The following CPXM2 variants were observed in gnomAD, a reference collection of about 807,000 sequenced individuals.
CPXM2 encodes the protein carboxypeptidase X, M14 family member 2.
Under a neutral mutation model 86.1 loss-of-function variants are expected in CPXM2, and 66 were observed. That is an observed-to-expected ratio of 0.77 (90% CI 0.63 to 0.94). CPXM2 has a LOEUF of 0.94. Ranked by LOEUF, CPXM2 falls within the 40% of genes least tolerant of loss-of-function variation. The probability of loss-of-function intolerance (pLI) is 0.00; values close to 1 mark genes in which losing one functional copy is unlikely to be tolerated. For synonymous variants in CPXM2, 388 were observed against 400.2 expected, an observed-to-expected ratio of 0.97 and a Z score of 0.36; for missense variants, 948 against 1,026.3, an observed-to-expected ratio of 0.92 and a Z score of 1.04.
chr10:123,779,604 A>G (rs564684702), intron 7 of CPXM2, among the ~76,000 whole-genome samples: 1 of 152,318 alleles, frequency 6.6e-6, no homozygotes, highest in South Asian at 2.1e-4. Flanking sequence ...AATTATCAGT[A>G]GCTTCACAAA....
upstream of CPXM2, among the ~76,000 whole-genome samples, chr10:123,893,782 A>T (rs1945311395): frequency 6.6e-6 from 1 of 152,158 alleles, no homozygotes; most frequent in Admixed American, 6.5e-5. Context: ...AAGCGGCTCC[A>T]GCAGCAAGCA....
intron 6 of CPXM2, among the ~76,000 whole-genome samples, chr10:123,786,788 A>T (rs1276824510): frequency 6.6e-6 from 1 of 152,122 alleles, no homozygotes; most frequent in East Asian, 1.9e-4. Flanking sequence ...AAAAAAGACA[A>T]GATCCTTCAC....
intron 12 of CPXM2, among the ~76,000 whole-genome samples, chr10:123,756,538 A>G (rs1163822704): frequency 6.6e-6 from 1 of 152,168 alleles, no homozygotes; most frequent in African/African-American, 2.4e-5. Flanking sequence ...GTGACTCTGA[A>G]GGCCTGGGAG....
chr10:123,933,457 G>A (rs543300795), intron 2 of CPXM2, among the ~76,000 whole-genome samples: 4 of 152,282 alleles, frequency 2.6e-5, no homozygotes, highest in Non-Finnish European at 4.4e-5. Flanking sequence ...AGTTGCTCAC[G>A]CCTATAATCT....
chr10:123,895,121 C>CTTTTTTTTTTTTTTTTTTTTT (rs869104432), upstream of CPXM2, among the ~76,000 whole-genome samples: 48 of 85,880 alleles, frequency 5.6e-4, no homozygotes, highest in Non-Finnish European at 6.5e-4. Flanking sequence ...TCTTTTTTTT[C>CTTTTTTTTTTTTTTTTTTTTT]TTTTTTTTTT....
intron 4 of CPXM2, among the ~76,000 whole-genome samples, chr10:123,812,895 G>A (rs889854853): frequency 1.3e-5 from 2 of 152,102 alleles, no homozygotes; most frequent in African/African-American, 4.8e-5. Context: ...CAAAAAGGTT[G>A]GGGACTGCTG....
intron 1 of CPXM2, among the ~76,000 whole-genome samples, chr10:123,880,761 A>G (rs111365265): frequency 0.017 from 2,369 of 139,628 alleles, 51 homozygotes; most frequent in African/African-American, 0.059. Flanking sequence ...CCTGGGAGGC[A>G]GAGCTTGCAG....
At chr10:123,821,896 C>T (rs1367471513) in intron 4 of CPXM2, among the ~76,000 whole-genome samples, 1 of 152,150 alleles carries the variant, frequency 6.6e-6, no homozygotes, top group African/African-American at 2.4e-5. Flanking sequence ...TTGCTCAAAA[C>T]TGTTGAGGAA....
At chr10:123,809,587 T>C (rs932150297) in intron 4 of CPXM2, among the ~76,000 whole-genome samples, 3 of 152,114 alleles carry the variant, frequency 2.0e-5, no homozygotes, top group Non-Finnish European at 4.4e-5. Context: ...TATATAGATA[T>C]AGATAACATA....
At chr10:123,846,616 G>A (rs936171799) in intron 3 of CPXM2, among the ~76,000 whole-genome samples, 6 of 152,190 alleles carry the variant, frequency 3.9e-5, no homozygotes, top group Admixed American at 2.0e-4. Context: ...CCAAAAAAAT[G>A]AGGCAGAACA....
At chr10:123,912,794 C>T (rs1945501816) in intron 2 of CPXM2, among the ~76,000 whole-genome samples, 1 of 152,242 alleles carries the variant, frequency 6.6e-6, no homozygotes, top group Non-Finnish European at 1.5e-5. Context: ...CAAACAACCT[C>T]AGTCCAGGCA....
chr10:123,830,872 C>CTCTCTCTGTGTGTG (rs1258897184), intron 4 of CPXM2, among the ~76,000 whole-genome samples: 47 of 142,798 alleles, frequency 3.3e-4, no homozygotes, highest in African/African-American at 1.2e-3. Context: ...CTCTCTCTCT[C>CTCTCTCTGTGTGTG]TGTGTGTGTG....
intron 2 of CPXM2, among the ~76,000 whole-genome samples, chr10:123,935,337 G>A (rs1436533453): frequency 1.3e-5 from 2 of 152,112 alleles, no homozygotes; most frequent in African/African-American, 4.8e-5. Flanking sequence ...CGGGGGTCAA[G>A]CAGAGGTGCC....
intron 2 of CPXM2, among the ~76,000 whole-genome samples, 184 bp from the exon 3 acceptor site, chr10:123,862,907 A>G (rs1848886601): frequency 6.6e-6 from 1 of 152,080 alleles, no homozygotes. Context: ...TCTTGTTGGC[A>G]TTTGCTTTAG....
At chr10:123,933,331 C>A (rs1405274859) in intron 2 of CPXM2, among the ~76,000 whole-genome samples, 2 of 152,162 alleles carry the variant, frequency 1.3e-5, no homozygotes, top group African/African-American at 2.4e-5. Context: ...CTGTTCTGAT[C>A]CTTTGACGGC....
intron 2 of CPXM2, among the ~76,000 whole-genome samples, chr10:123,930,575 A>T (rs1456131311): frequency 6.6e-6 from 1 of 152,048 alleles, no homozygotes; most frequent in Non-Finnish European, 1.5e-5. Flanking sequence ...TTCCATCAGG[A>T]CCTCCAAGTG....
chr10:123,908,185 T>C (rs1189641182), intron 2 of CPXM2, among the ~76,000 whole-genome samples: 1 of 151,266 alleles, frequency 6.6e-6, no homozygotes, highest in African/African-American at 2.4e-5. Flanking sequence ...AAGTCCACTG[T>C]TAGGGGTAGC....
At chr10:123,841,022 G>A (rs990671109) in intron 4 of CPXM2, among the ~76,000 whole-genome samples, 3 of 152,216 alleles carry the variant, frequency 2.0e-5, no homozygotes, top group African/African-American at 7.2e-5. Flanking sequence ...TAGATGGGAG[G>A]GTTGGGGAGG....
At position 123,914,042 on chromosome 10, in the gene CPXM2, A is replaced by G. The variant is rs72829726; in HGVS notation, n.174+25435T>C. On this transcript the variant is annotated intron_variant and non_coding_transcript_variant, in intron 2 of 19. Coordinates refer to the CPXM2 transcript ENST00000368854. ...TCAGAATCCAACCTTAAAGGCAGGA[A>G]GTCAGTGTCATTTGGTGGCTTGACC... The G allele has an allele frequency of 6.4e-3, 3,184 of 494,922 alleles. 46 individuals carry two copies. Among genetic ancestry groups the G allele is most frequent in the South Asian group, 0.016 (1,088 of 67,464 alleles). 30.7% of individuals were successfully genotyped at this position (494,922 alleles called of 1,614,324 possible).
Sources: allele counts gnomAD v4.1 joint callset (sites outside exome capture counted in the v4.1 genomes callset), GRCh38; gene constraint gnomAD v4.1.1; transcripts MANE v1.5; gene names NCBI Gene and HGNC (gene_info 2026-07-23, HGNC 2026-07-21).